Variants in PANK4 observed in about 807,000 individuals in gnomAD.
PANK4 encodes 4'-phosphopantetheine phosphatase.
PANK4 carries 40 observed loss-of-function variants against 87.9 expected under a neutral mutation model. That is an observed-to-expected ratio of 0.46 (90% CI 0.35 to 0.59). The LOEUF (loss-of-function observed/expected upper bound fraction) is 0.59, where lower values mean the gene tolerates loss of function less well. Ranked by LOEUF, PANK4 falls within the 20% of genes least tolerant of loss-of-function variation. The pLI is 0.00. For missense variants in PANK4, 926 were observed against 1,072.3 expected (o/e 0.86, Z 1.90); for synonymous variants, 524 against 467.4 (o/e 1.12, Z -1.56).
Position 2,520,587 on chromosome 1 carries a change from G to C in PANK4, c.606+136C>G. 1 of 1,046,796 alleles carries C rather than the reference G, an allele frequency of 9.6e-7. No individual in the cohort carries two copies. The highest frequency in any genetic ancestry group is 1.5e-5 in the South Asian group (1 of 68,810). 64.8% of individuals were successfully genotyped at this position (1,046,796 alleles called of 1,614,324 possible). A position where few individuals can be genotyped will look rare whatever the true frequency, so the allele number is the denominator to read the frequency against. On this transcript the variant is annotated intron_variant, in intron 4 of 18. Coordinates refer to ENST00000378466, the MANE Select transcript of PANK4 (RefSeq NM_018216.4). The surrounding 1 kb of genome is among the most constrained non-coding windows in gnomAD (Gnocchi z 6.2). ...CTGATGCCCCTCCCACAGAGGCTCT[G>C]AGCTCACAGCCTCGCCACCCCCCTC...
intron 9 of PANK4, among the ~76,000 whole-genome samples, chr1:2,517,438 T>C (rs1237387137): frequency 6.6e-6 from 1 of 152,240 alleles, no homozygotes; most frequent in Non-Finnish European, 1.5e-5. Flanking sequence ...CCGACTAGCT[T>C]TGTGCGTGAC....
Position 2,526,564 on chromosome 1 carries a change from G to T in PANK4, c.24C>A (p.Gly8=), listed in dbSNP as rs1643927777. Residue 8 remains glycine, a synonymous_variant, in exon 1 of 19, where the codon GGC becomes GGA. Coordinates refer to ENST00000378466, the MANE Select transcript of PANK4 (RefSeq NM_018216.4). The part of the protein sequence containing the change: MAECGAS[G]SGSSGDSLDK... Reference sequence around the variant, plus strand: ...CCAGACTGTCCCCGCTGCTCCCGCTGCCGCTCGCTCCACACTCCGCCATTT... The same window carrying T: ...CCAGACTGTCCCCGCTGCTCCCGCTTCCGCTCGCTCCACACTCCGCCATTT... 3 of 1,602,362 alleles carry T rather than the reference G, an allele frequency of 1.9e-6. No individual in the cohort carries two copies. In the East Asian group the frequency reaches 6.9e-5, roughly 37 times the overall value.
chr1:2,524,239 G>A (rs1643901388), intron 1 of PANK4, among the ~76,000 whole-genome samples: 1 of 152,148 alleles, frequency 6.6e-6, no homozygotes, highest in African/African-American at 2.4e-5. Flanking sequence ...CCATCGAGAG[G>A]AAAACAGCTT....
At position 2,515,387 on chromosome 1, in the gene PANK4, G is replaced by C. The variant is rs928819557; in HGVS notation, c.1374+175C>G. 1.4e-6 allele frequency: 1 copy of C among 727,298 alleles called. No homozygotes were observed. Among genetic ancestry groups the C allele is most frequent in the Non-Finnish European group, 2.5e-6 (1 of 407,652 alleles). 45.1% of individuals were successfully genotyped at this position (727,298 alleles called of 1,614,324 possible). ...CCTCACTGACCCACCAGGTGGCCAG[G>C]AGCGGTATTTTTGCCTGAGAAACCA... On this transcript the variant is annotated intron_variant, in intron 10 of 18. Coordinates refer to ENST00000378466, the MANE Select transcript of PANK4 (RefSeq NM_018216.4). The surrounding 1 kb of genome is among the most constrained non-coding windows in gnomAD (Gnocchi z 5.0).
chr1:2,521,324 CAG>C lies in PANK4; in HGVS notation c.208-11_208-10del, dbSNP rs747451667. On this transcript the variant is annotated splice_polypyrimidine_tract_variant and intron_variant, in intron 2 of 18. Coordinates refer to ENST00000378466, the MANE Select transcript of PANK4 (RefSeq NM_018216.4). ...TGTTCACGTTCTGTGTCCTGGAAAA[CAG>C]AGTAGGGGAGGCCGCATGTGTGTGG... The C allele has an allele frequency of 6.2e-7, 1 of 1,609,524 alleles. No individual in the cohort carries two copies. Among genetic ancestry groups the C allele is most frequent in the East Asian group, 2.2e-5 (1 of 44,860 alleles).
chr1:2,519,721 T>A lies in PANK4; in HGVS notation c.853+80A>T, dbSNP rs1286012177. The A allele has an allele frequency of 7.2e-7, 1 of 1,383,208 alleles. No homozygotes were observed. The highest frequency in any genetic ancestry group is 2.5e-5 in the East Asian group (1 of 39,450). 85.7% of individuals were successfully genotyped at this position (1,383,208 alleles called of 1,614,324 possible). On this transcript the variant is annotated intron_variant, in intron 6 of 18. Transcript: ENST00000378466. The surrounding 1 kb of genome is among the most constrained non-coding windows in gnomAD (Gnocchi z 8.3). The stretch of plus-strand genomic sequence containing the variant: ...CCAGGGAGCAGTTGTGGGAAAGCAA[T>A]GGTGGGGGAAGCTCCTGTCCGTGAG...
At chr1:2,514,689 G>A (rs1643734580) in intron 10 of PANK4, among the ~76,000 whole-genome samples, 1 of 141,116 alleles carries the variant, frequency 7.1e-6, no homozygotes, top group South Asian at 2.4e-4. Context: ...CCGGGGCAGG[G>A]TCAGGGCCTG....
intron 1 of PANK4, among the ~76,000 whole-genome samples, chr1:2,522,313 C>A (rs888062954): frequency 2.0e-5 from 3 of 152,188 alleles, no homozygotes; most frequent in Non-Finnish European, 4.4e-5. Context: ...CAAACGGTGC[C>A]GCTGGCTACT....
At chr1:2,512,818 T>C in intron 13 of PANK4, 70 bp downstream of exon 13, 1 of 1,523,166 alleles carries the variant, frequency 6.6e-7, no homozygotes, top group South Asian at 1.1e-5. Flanking sequence ...TCCACCTCCT[T>C]GCCCGCAAGC....
rs867471221 is a variant in PANK4 at position 2,520,610 on chromosome 1, C to T, written c.606+113G>A. On this transcript the variant is annotated intron_variant, in intron 4 of 18. Transcript: ENST00000378466. This position sits in a 1 kb window ranked among gnomAD's most constrained non-coding sequence, Gnocchi z 6.2. ...CTGAGCTCACAGCCTCGCCACCCCC[C>T]TCCCGCCCACTGGGCCCCATCCATG... 3.4e-6 allele frequency: 4 copies of T among 1,161,368 alleles called. No individual in the cohort carries two copies. Among genetic ancestry groups the T allele is most frequent in the East Asian group, 2.4e-5 (1 of 42,464 alleles). The allele number at this position is 1,161,368 out of a possible 1,614,324, so 71.9% of individuals were successfully genotyped here.
Position 2,510,560 on chromosome 1 carries a change from C to A in PANK4, c.1938+118G>T. 1 of 694,906 alleles carries A rather than the reference C, an allele frequency of 1.4e-6. No homozygotes were observed. The allele number at this position is 694,906 out of a possible 1,614,324, so 43.0% of individuals were successfully genotyped here. A position where few individuals can be genotyped will look rare whatever the true frequency, so the allele number is the denominator to read the frequency against. Reference sequence around the variant, plus strand: ...GCCGCCTCCCCCGTGCTGCTGCCTGCACCTACCTGCTGCGTCCGGAGGAGC... The same window carrying A: ...GCCGCCTCCCCCGTGCTGCTGCCTGAACCTACCTGCTGCGTCCGGAGGAGC... On this transcript the variant is annotated intron_variant, in intron 16 of 18. Transcript: ENST00000378466. This position sits in a 1 kb window ranked among gnomAD's most constrained non-coding sequence, Gnocchi z 4.9.
chr1:2,515,804 A>T lies in PANK4; in HGVS notation c.1219-87T>A. 7.7e-7 allele frequency: 1 copy of T among 1,299,788 alleles called. No homozygotes were observed. The highest frequency in any genetic ancestry group is 1.1e-6 in the Non-Finnish European group (1 of 926,740). The allele number at this position is 1,299,788 out of a possible 1,614,324, so 80.5% of individuals were successfully genotyped here. A position where few individuals can be genotyped will look rare whatever the true frequency, so the allele number is the denominator to read the frequency against. On this transcript the variant is annotated intron_variant, in intron 9 of 18. Coordinates refer to ENST00000378466, the MANE Select transcript of PANK4 (RefSeq NM_018216.4). The surrounding 1 kb of genome is among the most constrained non-coding windows in gnomAD (Gnocchi z 5.0). ...CTCAGAAGCTTCCACTCTCTCTCTA[A>T]GAAGGGAGATGTACTGCCTTCTTCC...
chr1:2,513,955 G>C, intron 12 of PANK4, 47 bp downstream of exon 12: 1 of 1,357,332 alleles, frequency 7.4e-7, no homozygotes, highest in Non-Finnish European at 1.1e-6. Context: ...CGGTGCCAGC[G>C]GGACGGGGAC....
chr1:2,520,203 G>A lies in PANK4; in HGVS notation c.699+119C>T. ...AAGCCGCAGAGGCCAGAGACCCACT[G>A]ACGCGAGTCAGGAGGGAGGCCCGGA... On this transcript the variant is annotated intron_variant, in intron 5 of 18. Transcript: ENST00000378466. This position sits in a 1 kb window ranked among gnomAD's most constrained non-coding sequence, Gnocchi z 6.2. 1 of 950,660 alleles carries A rather than the reference G, an allele frequency of 1.1e-6. No individual in the cohort carries two copies. The highest frequency in any genetic ancestry group is 1.7e-6 in the Non-Finnish European group (1 of 604,550). The allele number at this position is 950,660 out of a possible 1,614,324, so 58.9% of individuals were successfully genotyped here.
At position 2,521,650 on chromosome 1, in the gene PANK4, A is replaced by C. The variant is rs749376300; in HGVS notation, c.207+68T>G. The C allele has an allele frequency of 4.9e-6, 6 of 1,230,836 alleles. No homozygotes were observed. The South Asian group carries it at 7.2e-5, about 15-fold the overall frequency. 76.2% of individuals were successfully genotyped at this position (1,230,836 alleles called of 1,614,324 possible). A position where few individuals can be genotyped will look rare whatever the true frequency, so the allele number is the denominator to read the frequency against. On this transcript the variant is annotated intron_variant, in intron 2 of 18. Transcript: ENST00000378466. The stretch of plus-strand genomic sequence containing the variant: ...GCAGCAGCAGAGGGATGACTGCGAG[A>C]CAAGTGCCAGGTCCAAGACGACAGA...
chr1:2,521,336 G>A, intron 2 of PANK4, 21 bp from the exon 3 acceptor site: 1 of 1,586,772 alleles, frequency 6.3e-7, no homozygotes, highest in South Asian at 1.1e-5. Context: ...GAGTAGGGGA[G>A]GCCGCATGTG....
intron 13 of PANK4, 55 bp downstream of exon 13, chr1:2,512,833 G>C (rs1220994739): frequency 6.3e-7 from 1 of 1,582,266 alleles, no homozygotes; most frequent in Non-Finnish European, 8.7e-7. Flanking sequence ...GCAAGCCTGG[G>C]GCAGGACAGG....
At chr1:2,518,634 C>T in intron 7 of PANK4, 37 bp from the exon 8 acceptor site, 3 of 1,506,202 alleles carry the variant, frequency 2.0e-6, no homozygotes, top group Non-Finnish European at 1.8e-6. Flanking sequence ...CTGTTGGCCC[C>T]ACACAACACC....
intron 14 of PANK4, 86 bp downstream of exon 14, chr1:2,511,542 G>C: frequency 1.8e-6 from 2 of 1,130,844 alleles, no homozygotes; most frequent in South Asian, 2.5e-5. Context: ...CCTGGACCCC[G>C]ACCGCAACTG....
Sources: gnomAD v4.1 joint callset for allele counts (sites outside exome capture counted in the v4.1 genomes callset) on GRCh38, gnomAD v4.1.1 for gene constraint, Gnocchi (gnomAD v3.1) non-coding constraint, MANE v1.5 for transcripts, NCBI Gene and HGNC (gene_info 2026-07-23, HGNC 2026-07-21) for gene names.